The following XBP1 variants were observed in gnomAD, a reference collection of about 807,000 sequenced individuals.
The protein encoded by XBP1 is X-box-binding protein 1.
In XBP1, 18 loss-of-function variants were observed where a neutral mutation model predicts 34.6. The ratio of observed to expected loss-of-function variants is 0.52; its 90% CI spans 0.36 to 0.77. The LOEUF is 0.77. Ranked by LOEUF, XBP1 falls within the 30% of genes least tolerant of loss-of-function variation. The pLI is 0.00. For synonymous variants in XBP1, 191 were observed against 193.4 expected, an observed-to-expected ratio of 0.99 and a Z score of 0.11; for missense variants, 422 against 464.6, an observed-to-expected ratio of 0.91 and a Z score of 0.84.
chr22:28,796,201 A>G lies in XBP1; in HGVS notation c.454-9T>C, dbSNP rs1473587484. ...GGCCTCACTTCATTCCCCTGGGAGG[A>G]AAGACCAAAGTGAATAAACAGCTTC... On this transcript the variant is annotated splice_polypyrimidine_tract_variant and intron_variant, in intron 3 of 5. Coordinates refer to ENST00000344347, the Ensembl canonical transcript of XBP1. The G allele has an allele frequency of 6.5e-7, 1 of 1,533,590 alleles. No homozygotes were observed. The highest frequency in any genetic ancestry group is 2.2e-5 in the Admixed American group (1 of 45,110). The allele number at this position is 1,533,590 out of a possible 1,614,324, so 95.0% of individuals were successfully genotyped here.
At chr22:28,800,391 C>A in exon 1 of XBP1, 3 of 1,531,644 alleles carry the variant, frequency 2.0e-6, no homozygotes, top group Non-Finnish European at 2.6e-6. Context: ...CGGGCTGGCC[C>A]CTCTCTGGGC....
At chr22:28,797,455 C>T (rs1000214303) in intron 2 of XBP1, among the ~76,000 whole-genome samples, 5 of 152,062 alleles carry the variant, frequency 3.3e-5, no homozygotes, top group African/African-American at 4.8e-5. Flanking sequence ...CAAAGGGTGA[C>T]TTGTGGCTTT....
At chr22:28,799,606 G>T (rs1601438997) in intron 1 of XBP1, among the ~76,000 whole-genome samples, 1 of 152,274 alleles carries the variant, frequency 6.6e-6, no homozygotes, top group East Asian at 1.9e-4. Context: ...AGAGGCTGAT[G>T]CCACTCCCTG....
At chr22:28,795,802 G>A in intron 5 of XBP1, 70 bp from the exon 6 acceptor site, 1 of 1,445,814 alleles carries the variant, frequency 6.9e-7, no homozygotes, top group Non-Finnish European at 9.3e-7. Flanking sequence ...GGAACACTTT[G>A]TACTGGGTTC....
intron 2 of XBP1, among the ~76,000 whole-genome samples, chr22:28,798,317 T>TTTTTTTTTTTTTTTTA (rs2031788917): frequency 4.7e-5 from 7 of 150,458 alleles, no homozygotes; most frequent in Admixed American, 6.6e-5. Flanking sequence ...TTTTTTTTTT[T>TTTTTTTTTTTTTTTTA]GAGACAGGGT....
chr22:28,796,010 G>A lies in XBP1; in HGVS notation c.573+37C>T, dbSNP rs202031808. On this transcript the variant is annotated intron_variant, in intron 5 of 5. Coordinates refer to ENST00000344347, the Ensembl canonical transcript of XBP1. Reference sequence around the variant, plus strand: ...AGCATCAAACAGATGGAATTAACTGGTTATATAGCTCTTTAATAAGTCAGA... The same window carrying A: ...AGCATCAAACAGATGGAATTAACTGATTATATAGCTCTTTAATAAGTCAGA... 31 of 1,612,284 alleles carry A rather than the reference G, an allele frequency of 1.9e-5. 1 individual carries two copies. The East Asian group carries it at 6.0e-4, about 31-fold the overall frequency.
exon 1 of XBP1, chr22:28,800,405 C>A: frequency 6.6e-7 from 1 of 1,520,104 alleles, no homozygotes; most frequent in Non-Finnish European, 8.8e-7. Flanking sequence ...TCTGGGCTGG[C>A]ACCATGAGCG....
intron 1 of XBP1, 85 bp from the exon 2 acceptor site, chr22:28,799,238 C>A: frequency 1.0e-6 from 1 of 995,472 alleles, no homozygotes; most frequent in Non-Finnish European, 1.5e-6. Flanking sequence ...CTGGTGCTTT[C>A]ATTTTTATTT....
chr22:28,800,420 G>T (rs1158924796), exon 1 of XBP1: 16 of 1,493,944 alleles, frequency 1.1e-5, no homozygotes, highest in Admixed American at 2.4e-5. Flanking sequence ...TGAGCGGCAG[G>T]GCCTGGCCGG....
Position 28,796,200 on chromosome 22 carries a change from G to A in XBP1, c.454-8C>T. On this transcript the variant is annotated splice_polypyrimidine_tract_variant and splice_region_variant and intron_variant, in intron 3 of 5. Transcript: ENST00000344347. ...TGGCCTCACTTCATTCCCCTGGGAG[G>A]AAAGACCAAAGTGAATAAACAGCTT... 4 of 1,534,550 alleles carry A rather than the reference G, an allele frequency of 2.6e-6. No homozygotes were observed. Among genetic ancestry groups the A allele is most frequent in the Non-Finnish European group, 3.5e-6 (4 of 1,145,146 alleles).
chr22:28,800,327 G>C lies in XBP1; in HGVS notation c.198C>G (p.His66Gln), dbSNP rs1004370332. 7 of 1,552,812 alleles carry C rather than the reference G, an allele frequency of 4.5e-6. No homozygotes were observed. Among genetic ancestry groups the C allele is most frequent in the Non-Finnish European group, 6.1e-6 (7 of 1,151,096 alleles). The change falls in exon 1 of 6, where the codon CAC (histidine) becomes CAG (glutamine). Residue 66 changes from histidine to glutamine, a missense_variant. By Grantham distance (24) the His-to-Gln change is conservative. Around this residue, in one of 3 missense-constraint regions of XBP1, gnomAD observed 121 missense variants for 98.4 expected, o/e 1.23. Coordinates refer to ENST00000344347, the Ensembl canonical transcript of XBP1. ...TCAGCGCCTTCTCCTCGGGGCTCAG[G>C]TGCGTGAGGCGCTGTCGCTTGCGCG...
intron 3 of XBP1, chr22:28,796,493 T>G: frequency 4.1e-6 from 1 of 241,422 alleles, no homozygotes. Flanking sequence ...ATAACAATGG[T>G]TAGGGAAAGA....
chr22:28,799,798 C>G (rs527781372), intron 1 of XBP1, among the ~76,000 whole-genome samples: 1 of 152,224 alleles, frequency 6.6e-6, no homozygotes, highest in Non-Finnish European at 1.5e-5. Context: ...ATATCCAAGT[C>G]TCAATCTCCC....
chr22:28,797,356 A>T, intron 2 of XBP1, 151 bp from the exon 3 acceptor site: 1 of 932,628 alleles, frequency 1.1e-6, no homozygotes, highest in East Asian at 2.9e-5. Flanking sequence ...AAGCTAGGCC[A>T]TAATTATGGA....
chr22:28,795,085 G>A (rs114310500), downstream of XBP1: 1,357 of 1,262,064 alleles, frequency 1.1e-3, 14 homozygotes, highest in African/African-American at 0.018. Flanking sequence ...TCTCTATTTT[G>A]GCTTTTTGAA....
At chr22:28,796,189 T>C (rs2031749183) in exon 4 of XBP1, 2 of 1,551,418 alleles carry the variant, frequency 1.3e-6, no homozygotes, top group Non-Finnish European at 1.7e-6. Flanking sequence ...CTCACTTCAT[T>C]CCCCTGGGAG....
chr22:28,796,092 T>A, exon 5 of XBP1: 1 of 1,614,130 alleles, frequency 6.2e-7, no homozygotes, highest in Non-Finnish European at 8.5e-7. Flanking sequence ...TGGGGAGATG[T>A]TCTGGAGGGG....
upstream of XBP1, chr22:28,800,528 T>G (rs777584622): frequency 7.4e-6 from 11 of 1,487,086 alleles, no homozygotes; most frequent in Non-Finnish European, 7.1e-6. Flanking sequence ...CCACCATAGC[T>G]CCAGACTACG....
Position 28,799,164 on chromosome 22 carries a change from A to G in XBP1, c.228-11T>C. On this transcript the variant is annotated splice_polypyrimidine_tract_variant and intron_variant, in intron 1 of 5. Coordinates refer to ENST00000344347, the Ensembl canonical transcript of XBP1. ...CTGTTTTTCAGTTTCCTAGGAAGAG[A>G]AGGAACATACCACACTGAGTCATAT... 1 of 1,607,570 alleles carries G rather than the reference A, an allele frequency of 6.2e-7. No homozygotes were observed. Among genetic ancestry groups the G allele is most frequent in the African/African-American group, 1.3e-5 (1 of 74,906 alleles).
Sources: allele counts gnomAD v4.1 joint callset (sites outside exome capture counted in the v4.1 genomes callset), GRCh38; gene constraint gnomAD v4.1.1; regional missense constraint gnomAD v4.1.1; transcripts MANE v1.5; gene names NCBI Gene and HGNC (gene_info 2026-07-23, HGNC 2026-07-21).